The following MAST4 variants were observed in gnomAD, a reference collection of about 807,000 sequenced individuals.
MAST4 encodes the protein microtubule associated serine/threonine kinase family member 4.
MAST4 carries 89 observed loss-of-function variants against 162.7 expected under a neutral mutation model. The observed-to-expected ratio is 0.55, with a 90% CI of 0.46 to 0.65. The LOEUF (loss-of-function observed/expected upper bound fraction) is 0.65, where lower values mean the gene tolerates loss of function less well. MAST4 is among the 30% of genes least tolerant of loss of function. The pLI is 0.00. For synonymous variants in MAST4, 1,479 were observed against 1,361.1 expected, an observed-to-expected ratio of 1.09 and a Z score of -1.91; for missense variants, 3,153 against 3,374.0, an observed-to-expected ratio of 0.93 and a Z score of 1.62.
chr5:67,112,639 T>C (rs1766385192), intron 11 of MAST4, among the ~76,000 whole-genome samples: 1 of 152,084 alleles, frequency 6.6e-6, no homozygotes, highest in East Asian at 1.9e-4. Context: ...ATACAGATGA[T>C]GAGATGCATA....
intron 3 of MAST4, among the ~76,000 whole-genome samples, chr5:66,856,019 C>G (rs994973429): frequency 1.3e-5 from 2 of 151,982 alleles, no homozygotes; most frequent in Non-Finnish European, 2.9e-5. Flanking sequence ...TAAAAATTAG[C>G]CAGGTGTGGT....
At chr5:66,658,759 C>T (rs191817630) in intron 1 of MAST4, among the ~76,000 whole-genome samples, 4 of 152,248 alleles carry the variant, frequency 2.6e-5, no homozygotes, top group Admixed American at 2.0e-4. Flanking sequence ...GGATGGCTCA[C>T]GCTTGTAATC....
At chr5:67,135,989 T>G (rs572602777) in intron 18 of MAST4, among the ~76,000 whole-genome samples, 16 of 151,890 alleles carry the variant, frequency 1.1e-4, no homozygotes, top group African/African-American at 3.9e-4. Flanking sequence ...TTACTTTGGG[T>G]TTTTTTTTCT....
At chr5:66,679,006 G>A (rs1486943958) in intron 1 of MAST4, among the ~76,000 whole-genome samples, 1 of 152,162 alleles carries the variant, frequency 6.6e-6, no homozygotes, top group African/African-American at 2.4e-5. Flanking sequence ...TGGCCAGGCT[G>A]GTCTCAAACT....
chr5:66,944,229 T>C (rs1743710267), intron 4 of MAST4, among the ~76,000 whole-genome samples: 1 of 152,204 alleles, frequency 6.6e-6, no homozygotes, highest in South Asian at 2.1e-4. Flanking sequence ...CCACCAGTAC[T>C]GCAAGTTGGT....
chr5:66,746,079 A>G (rs1204055996), intron 1 of MAST4, among the ~76,000 whole-genome samples: 1 of 152,188 alleles, frequency 6.6e-6, no homozygotes, highest in African/African-American at 2.4e-5. Flanking sequence ...CTGGGCCTCC[A>G]TCTTCCAGTA....
At chr5:66,719,290 A>G (rs1038534591) in intron 1 of MAST4, among the ~76,000 whole-genome samples, 1 of 152,132 alleles carries the variant, frequency 6.6e-6, no homozygotes, top group Non-Finnish European at 1.5e-5. Context: ...TTTTTGGAGG[A>G]AATATAAACT....
intron 5 of MAST4, among the ~76,000 whole-genome samples, chr5:67,055,150 G>T (rs1199827499): frequency 2.0e-5 from 3 of 152,184 alleles, no homozygotes; most frequent in Admixed American, 2.0e-4. Context: ...TTGGCTGGTA[G>T]AGATGGAGTG....
intron 3 of MAST4, among the ~76,000 whole-genome samples, chr5:66,797,754 G>A (rs1427191440): frequency 2.6e-5 from 4 of 152,186 alleles, no homozygotes; most frequent in Non-Finnish European, 4.4e-5. Context: ...AATGTTAAAC[G>A]TTGAGTAGGT....
intron 4 of MAST4, among the ~76,000 whole-genome samples, chr5:67,047,517 ACCCCTGCAATCTCTGT>A (rs1172508826): frequency 2.0e-5 from 3 of 151,752 alleles, no homozygotes; most frequent in African/African-American, 7.3e-5. Flanking sequence ...GTGAACTCCC[ACCCCTGCAATCTCTGT>A]CCTACTTTGT....
intron 1 of MAST4, among the ~76,000 whole-genome samples, chr5:66,706,788 A>G (rs6892312): frequency 0.34 from 51,709 of 151,924 alleles, 9,749 homozygotes; most frequent in East Asian, 0.59. Flanking sequence ...TTCAGTTGAT[A>G]CATAACTGTT....
intron 4 of MAST4, among the ~76,000 whole-genome samples, chr5:66,964,947 A>G (rs1409790047): frequency 1.3e-5 from 2 of 152,260 alleles, no homozygotes; most frequent in South Asian, 4.1e-4. Context: ...CCTTAAAAAT[A>G]TTAACTTACA....
chr5:67,071,527 G>C lies in MAST4; in HGVS notation c.763+17035G>C, dbSNP rs755757720. Among the ~76,000 whole-genome samples the C allele has an allele frequency of 1.2e-4, 18 of 152,226 alleles. No individual in the cohort carries two copies. In the South Asian group the frequency reaches 1.9e-3, roughly 16 times the overall value. On this transcript the variant is annotated intron_variant, in intron 5 of 28. Coordinates refer to ENST00000403625, the MANE Select transcript of MAST4 (RefSeq NM_001164664.2). ...CAGCACTTTGGAAGGCCAAGGGGGG[G>C]GCGGGGTGTATCACCTGAGGTCAGG...
chr5:66,990,321 A>G lies in MAST4; in HGVS notation c.675-64083A>G, dbSNP rs146002062. On this transcript the variant is annotated intron_variant, in intron 4 of 28. Transcript: ENST00000403625. ...GTAACTTATCCAAGATCACAGAACT[A>G]GAAACTATAATAAACCTCAGAAATA... Among the ~76,000 whole-genome samples, 1,273 of 152,306 alleles carry G rather than the reference A, an allele frequency of 8.4e-3. 6 individuals carry two copies. The highest frequency in any genetic ancestry group is 0.034 in the Middle Eastern group (10 of 294).
intron 3 of MAST4, among the ~76,000 whole-genome samples, chr5:66,856,574 T>C (rs1048840654): frequency 2.0e-5 from 3 of 152,278 alleles, no homozygotes; most frequent in African/African-American, 7.2e-5. Flanking sequence ...TGCCAGTCAA[T>C]GTCAGTGCTG....
chr5:67,065,081 A>G (rs934970770), intron 5 of MAST4, among the ~76,000 whole-genome samples: 1 of 152,198 alleles, frequency 6.6e-6, no homozygotes, highest in African/African-American at 2.4e-5. Context: ...ATTAGTATAT[A>G]TATGCTAAAT....
chr5:66,608,723 T>C (rs1337437560), intron 1 of MAST4, among the ~76,000 whole-genome samples: 1 of 151,240 alleles, frequency 6.6e-6, no homozygotes, highest in Non-Finnish European at 1.5e-5. Flanking sequence ...ATACTTACAT[T>C]CTTTGAATAG....
At chr5:66,958,558 T>A (rs1388257220) in intron 4 of MAST4, among the ~76,000 whole-genome samples, 1 of 152,216 alleles carries the variant, frequency 6.6e-6, no homozygotes, top group Non-Finnish European at 1.5e-5. Context: ...GTTGGTAGTT[T>A]CCTATCATCG....
chr5:66,865,835 G>T (rs1406568547), intron 3 of MAST4, among the ~76,000 whole-genome samples: 1 of 152,140 alleles, frequency 6.6e-6, no homozygotes, highest in Non-Finnish European at 1.5e-5. Context: ...AGCACTTTGG[G>T]AGGCTGAGGT....
Sources: allele counts gnomAD v4.1 joint callset (sites outside exome capture counted in the v4.1 genomes callset), GRCh38; gene constraint gnomAD v4.1.1; transcripts MANE v1.5; gene names NCBI Gene and HGNC (gene_info 2026-07-23, HGNC 2026-07-21).